MNAT1: variants seen among roughly 807,000 people sequenced by gnomAD.
MNAT1 encodes the protein CDK-activating kinase assembly factor MAT1.
In MNAT1, 43 loss-of-function variants were observed where a neutral mutation model predicts 42.0. The observed-to-expected ratio is 1.02, with a 90% CI of 0.80 to 1.32. The LOEUF is 1.32. MNAT1 is among the 40% of genes most tolerant of loss of function. The probability of loss-of-function intolerance (pLI) is 0.00; values close to 1 mark genes in which losing one functional copy is unlikely to be tolerated. For synonymous variants in MNAT1, 118 were observed against 120.0 expected (o/e 0.98, Z 0.11); for missense variants, 306 against 350.4 (o/e 0.87, Z 1.01).
intron 7 of MNAT1, among the ~76,000 whole-genome samples, chr14:60,962,862 ATTAGT>A (rs1278599502): frequency 1.3e-5 from 2 of 152,212 alleles, no homozygotes; most frequent in African/African-American, 4.8e-5. Context: ...CAGTTTTATT[ATTAGT>A]TTATTCAAAT....
At chr14:60,962,052 C>G (rs964558390) in intron 7 of MNAT1, among the ~76,000 whole-genome samples, 1 of 152,092 alleles carries the variant, frequency 6.6e-6, no homozygotes, top group African/African-American at 2.4e-5. Flanking sequence ...GCTCATATTA[C>G]TTGCTATTTT....
intron 6 of MNAT1, among the ~76,000 whole-genome samples, chr14:60,833,880 G>T (rs2033294944): frequency 6.6e-6 from 1 of 152,012 alleles, no homozygotes; most frequent in East Asian, 1.9e-4. Flanking sequence ...TCAGGGAATT[G>T]ACTTCTTCCT....
chr14:60,739,774 T>G (rs575424759), intron 1 of MNAT1, among the ~76,000 whole-genome samples: 2 of 152,224 alleles, frequency 1.3e-5, no homozygotes, highest in Non-Finnish European at 2.9e-5. Context: ...GCCACCTATT[T>G]CAAGAAATGG....
intron 1 of MNAT1, among the ~76,000 whole-genome samples, chr14:60,747,525 C>T (rs1353121815): frequency 6.6e-6 from 1 of 151,986 alleles, no homozygotes; most frequent in Non-Finnish European, 1.5e-5. Context: ...TATATAAACA[C>T]AGAAAAGTTA....
rs535410859 is a variant in MNAT1 at position 60,968,911 on chromosome 14, A to T, written c.*562A>T. The T allele has an allele frequency of 1.1e-5, 2 of 183,444 alleles. No individual in the cohort carries two copies. Among genetic ancestry groups the T allele is most frequent in the African/African-American group, 2.4e-5 (1 of 41,746 alleles). 11.4% of individuals were successfully genotyped at this position (183,444 alleles called of 1,614,324 possible). A position where few individuals can be genotyped will look rare whatever the true frequency, so the allele number is the denominator to read the frequency against. ...TAATGTCATTCCCTCAATACTAAGG[A>T]CTCAATGCCTGTTTTAAGCAGTGGA... On this transcript the variant is annotated 3_prime_UTR_variant, in exon 8 of 8. Transcript: ENST00000261245.
intron 1 of MNAT1, among the ~76,000 whole-genome samples, chr14:60,757,437 C>T (rs967518843): frequency 6.6e-6 from 1 of 152,080 alleles, no homozygotes; most frequent in Middle Eastern, 3.4e-3. Flanking sequence ...TTGACATTTT[C>T]TGGTCATCAA....
rs1299987757 is a variant in MNAT1, at chr14:60,969,414, C to A, written c.*1065C>A. On this transcript the variant is annotated 3_prime_UTR_variant, in exon 8 of 8. Transcript: ENST00000261245. ...AGACTTGTGGTTACATTAGGATGGA[C>A]TATCCATCTGTAACAACTCCATCTT... is the stretch of plus-strand genomic sequence containing the variant. The A allele has an allele frequency of 2.0e-5, 3 of 152,154 alleles. No homozygotes were observed. Among genetic ancestry groups the A allele is most frequent in the Non-Finnish European group, 4.4e-5 (3 of 68,014 alleles). 9.4% of individuals were successfully genotyped at this position (152,154 alleles called of 1,614,324 possible). A position where few individuals can be genotyped will look rare whatever the true frequency, so the allele number is the denominator to read the frequency against.
chr14:60,791,063 T>A (rs1255600861), intron 1 of MNAT1, among the ~76,000 whole-genome samples: 3 of 152,172 alleles, frequency 2.0e-5, no homozygotes, highest in Non-Finnish European at 4.4e-5. Flanking sequence ...TGGCACAGCT[T>A]TATTTAATTA....
chr14:60,780,745 T>G, intron 1 of MNAT1: 1 of 566,494 alleles, frequency 1.8e-6, no homozygotes. Context: ...TAATTGTTCC[T>G]TTTGTTTTTT....
intron 7 of MNAT1, among the ~76,000 whole-genome samples, chr14:60,927,880 C>G (rs779862547): frequency 2.6e-5 from 4 of 152,102 alleles, no homozygotes; most frequent in Non-Finnish European, 5.9e-5. Flanking sequence ...CATAACAGGT[C>G]AAGAGAGAGA....
At chr14:60,772,916 C>CATTTATTTATTTATTT (rs201818233) in intron 1 of MNAT1, among the ~76,000 whole-genome samples, 1 of 141,826 alleles carries the variant, frequency 7.1e-6, no homozygotes, top group Non-Finnish European at 1.5e-5. Context: ...TTTTTTAAAA[C>CATTTATTTATTTATTT]ATTTATTTAT....
At chr14:60,819,773 C>A (rs530607103) in intron 6 of MNAT1, among the ~76,000 whole-genome samples, 31 of 152,206 alleles carry the variant, frequency 2.0e-4, no homozygotes, top group Non-Finnish European at 3.2e-4. Context: ...ATTTATCCAG[C>A]TGCTTGACAT....
At chr14:60,819,273 A>G (rs2032809424) in intron 6 of MNAT1, among the ~76,000 whole-genome samples, 1 of 151,988 alleles carries the variant, frequency 6.6e-6, no homozygotes, top group Non-Finnish European at 1.5e-5. Flanking sequence ...TGATGAATAG[A>G]TTAATTTGGG....
intron 7 of MNAT1, among the ~76,000 whole-genome samples, chr14:60,958,585 A>G (rs989950297): frequency 3.4e-5 from 4 of 116,590 alleles, no homozygotes; most frequent in East Asian, 2.4e-4. Context: ...TTCTGACAGT[A>G]TTTCTTTCTC....
At chr14:60,888,681 T>C (rs975445249) in intron 7 of MNAT1, among the ~76,000 whole-genome samples, 1 of 147,708 alleles carries the variant, frequency 6.8e-6, no homozygotes, top group African/African-American at 2.5e-5. Flanking sequence ...GATGACATGA[T>C]TGTATATCTA....
At chr14:60,920,736 G>T (rs889726470) in intron 7 of MNAT1, among the ~76,000 whole-genome samples, 2 of 152,100 alleles carry the variant, frequency 1.3e-5, no homozygotes, top group East Asian at 3.9e-4. Flanking sequence ...GAGCCACGAC[G>T]CCTCGCCTTA....
chr14:60,827,000 T>C (rs1281173142), intron 6 of MNAT1, among the ~76,000 whole-genome samples: 1 of 152,184 alleles, frequency 6.6e-6, no homozygotes, highest in Non-Finnish European at 1.5e-5. Context: ...GGATTGAGAT[T>C]CTACGGCTGA....
At chr14:60,840,053 C>T (rs902081895) in intron 6 of MNAT1, among the ~76,000 whole-genome samples, 6 of 152,204 alleles carry the variant, frequency 3.9e-5, no homozygotes, top group Admixed American at 6.5e-5. Context: ...CGGCATCCTG[C>T]GGATCCCTAG....
intron 6 of MNAT1, among the ~76,000 whole-genome samples, chr14:60,876,559 C>T (rs2034440269): frequency 1.3e-5 from 2 of 151,976 alleles, no homozygotes; most frequent in Non-Finnish European, 2.9e-5. Context: ...TCAACCTGTA[C>T]CCATGAAACA....
Sources: gnomAD v4.1 joint callset for allele counts (sites outside exome capture counted in the v4.1 genomes callset) on GRCh38, gnomAD v4.1.1 for gene constraint, MANE v1.5 for transcripts, NCBI Gene and HGNC (gene_info 2026-07-23, HGNC 2026-07-21) for gene names.